Variants in ZNF257 observed in about 807,000 individuals in gnomAD.
The protein encoded by ZNF257 is zinc finger protein 257, also known as bone marrow zinc finger 4.
In ZNF257, 12 loss-of-function variants were observed where a neutral mutation model predicts 11.9. The observed-to-expected ratio is 1.01, with a 90% CI of 0.65 to 1.63. The LOEUF (loss-of-function observed/expected upper bound fraction) is 1.63. ZNF257 is among the 40% of genes most tolerant of loss of function. ZNF257 has a pLI of 0.00. For missense variants in ZNF257, 580 were observed against 665.5 expected (o/e 0.87, Z 1.41); for synonymous variants, 183 against 222.7 (o/e 0.82, Z 1.59).
intron 1 of ZNF257, among the ~76,000 whole-genome samples, chr19:22,063,768 T>C (rs1390620590): frequency 6.6e-6 from 1 of 152,244 alleles, no homozygotes; most frequent in Non-Finnish European, 1.5e-5. Flanking sequence ...TATTGTTTTA[T>C]TTCTAATTGT....
chr19:22,089,179 CAT>C lies in ZNF257; in HGVS notation c.1431_1432del (p.His477GlnfsTer13). 6.2e-7 allele frequency: 1 copy of C among 1,613,756 alleles called. No individual in the cohort carries two copies. The highest frequency in any genetic ancestry group is 8.5e-7 in the Non-Finnish European group (1 of 1,179,862). On this transcript the variant is annotated frameshift_variant, in exon 4 of 4. Coordinates refer to ENST00000594947, the MANE Select transcript of ZNF257 (RefSeq NM_033468.4). LOFTEE classifies it low-confidence loss of function (END_TRUNC). ...AFNQSSHLTQHKIIHTGEKPY... is the reference protein window; with the variant it reads ...AFNQSSHLTQXKIIHTGEKPY... ...TAACCAGTCTTCACACCTTACTCAA[CAT>C]AAAATAATTCATACTGGGGAGAAGC...
In ZNF257 at chr19:22,078,318, T is replaced by A. The variant is rs1386595443; in HGVS notation, c.226+4754T>A. ...TTGTTTTTTGTGATTTTTATGCAAT[T>A]CTCTACAAAATAGTTATTTTGCATT... On this transcript the variant is annotated intron_variant, in intron 3 of 3. Transcript: ENST00000594947. Among the ~76,000 whole-genome samples, 3 of 152,008 alleles carry A rather than the reference T, an allele frequency of 2.0e-5. No individual in the cohort carries two copies. In the South Asian group the frequency reaches 6.2e-4, roughly 32 times the overall value.
At chr19:22,056,003 C>T (rs538470624) in intron 1 of ZNF257, among the ~76,000 whole-genome samples, 2 of 145,346 alleles carry the variant, frequency 1.4e-5, no homozygotes, top group South Asian at 2.1e-4. Flanking sequence ...TGCAGTGAGC[C>T]GAGATCGCAC....
intron 3 of ZNF257, among the ~76,000 whole-genome samples, chr19:22,075,085 G>C (rs1184041956): frequency 1.3e-5 from 2 of 152,110 alleles, no homozygotes; most frequent in South Asian, 2.1e-4. Context: ...GATTCCCTCT[G>C]GGTTTGTGAT....
chr19:22,087,392 T>C (rs1331237810), intron 3 of ZNF257: 1 of 398,298 alleles, frequency 2.5e-6, no homozygotes, highest in Non-Finnish European at 4.4e-6. Flanking sequence ...AAAAGTTTAT[T>C]TGCACTTCTT....
chr19:22,061,648 G>A (rs779953974), intron 1 of ZNF257, among the ~76,000 whole-genome samples: 5 of 149,334 alleles, frequency 3.3e-5, no homozygotes, highest in Non-Finnish European at 7.4e-5. Context: ...CCTGATTGCT[G>A]TGGCTAGGAC....
chr19:22,053,132 A>G (rs1971739514), intron 1 of ZNF257, among the ~76,000 whole-genome samples: 1 of 152,184 alleles, frequency 6.6e-6, no homozygotes, highest in East Asian at 1.9e-4. Flanking sequence ...GCACTTTGGG[A>G]GGCCGAGGCA....
In ZNF257 at chr19:22,088,637, G is replaced by A; in HGVS notation, c.887G>A (p.Trp296Ter). The A allele has an allele frequency of 3.7e-6, 6 of 1,610,564 alleles. No homozygotes were observed. Among genetic ancestry groups the A allele is most frequent in the Non-Finnish European group, 5.1e-6 (6 of 1,179,440 alleles). Residue 296 changes from tryptophan (W) to a stop codon, truncating the protein, a stop_gained, in exon 4 of 4, where the codon TGG becomes TAG. Coordinates refer to ENST00000594947, the MANE Select transcript of ZNF257 (RefSeq NM_033468.4). LOFTEE classifies it low-confidence loss of function (END_TRUNC). ...GATGAATGTTGCAAAGCCTTTAAGT[G>A]GTCCTCAGCTCTTACTACCCTTACT... ...KYDECCKAFKWSSALTTLTQH... is the reference protein window; with the variant it reads ...KYDECCKAFK
intron 1 of ZNF257, among the ~76,000 whole-genome samples, chr19:22,069,350 T>C (rs1467783589): frequency 6.6e-6 from 1 of 152,016 alleles, no homozygotes; most frequent in African/African-American, 2.4e-5. Context: ...CGTGGTGGCT[T>C]ACGCCTGTAA....
In ZNF257 at chr19:22,088,697, A is replaced by G. The variant is rs752505813; in HGVS notation, c.947A>G (p.Tyr316Cys). The G allele has an allele frequency of 5.0e-6, 8 of 1,613,086 alleles. No individual in the cohort carries two copies. The highest frequency in any genetic ancestry group is 4.4e-5 in the South Asian group (4 of 91,038). ...AGAATTCATACTGGAGAGAAACCCT[A>G]CAAATGTGAAGAGTGTGGCAAAGCC... ...HKRIHTGEKP[Y>C]KCEECGKAFN... Residue 316 changes from tyrosine to cysteine, a missense_variant, in exon 4 of 4, where the codon TAC becomes TGC. Transcript: ENST00000594947.
At chr19:22,087,570 G>T in intron 3 of ZNF257, 1 of 1,230,274 alleles carries the variant, frequency 8.1e-7, no homozygotes, top group Non-Finnish European at 1.0e-6. Flanking sequence ...TGTCTTGAAA[G>T]ACCCCTAAAA....
chr19:22,063,117 C>T (rs1335726698), intron 1 of ZNF257, among the ~76,000 whole-genome samples: 1 of 152,048 alleles, frequency 6.6e-6, no homozygotes, highest in Non-Finnish European at 1.5e-5. Flanking sequence ...TTGTCCAGGA[C>T]TTTATTTATT....
intron 3 of ZNF257, among the ~76,000 whole-genome samples, chr19:22,077,448 T>C (rs897238197): frequency 6.6e-6 from 1 of 152,102 alleles, no homozygotes; most frequent in African/African-American, 2.4e-5. Context: ...TTTTACCCTC[T>C]CTCCAGCCCT....
intron 3 of ZNF257, among the ~76,000 whole-genome samples, chr19:22,081,770 T>G (rs2022365349): frequency 6.6e-6 from 1 of 152,128 alleles, no homozygotes; most frequent in Non-Finnish European, 1.5e-5. Context: ...GATCAAGTGA[T>G]CAGCCCACCT....
chr19:22,078,267 GCCATT>G (rs2022278758), intron 3 of ZNF257, among the ~76,000 whole-genome samples: 1 of 149,388 alleles, frequency 6.7e-6, no homozygotes, highest in South Asian at 2.1e-4. Flanking sequence ...AATTATAGTG[GCCATT>G]CCAATGAGTG....
chr19:22,068,975 C>CAA (rs35169645), intron 1 of ZNF257, among the ~76,000 whole-genome samples: 35,890 of 151,960 alleles, frequency 0.24, 5,780 homozygotes, highest in African/African-American at 0.46. Context: ...GTCAGGCTGA[C>CAA]GAGTGGTTAA....
At chr19:22,073,594 G>T (rs3752163) in intron 3 of ZNF257, 30 bp downstream of exon 3, 2 of 1,595,458 alleles carry the variant, frequency 1.3e-6, no homozygotes, top group South Asian at 1.1e-5. Context: ...AGTACAACAG[G>T]TGAAACAGAT....
chr19:22,089,288 A>G lies in ZNF257; in HGVS notation c.1538A>G (p.Lys513Arg). The change falls in exon 4 of 4, where the codon AAA becomes AGA. Residue 513 changes from lysine (K) to arginine (R), a missense_variant. Transcript: ENST00000594947. ...CATAAGATAATTCATACTGGAGAGAAACCCTACAAATGTGAAGAATGTGGC... is the reference window on the plus strand; with the variant it reads ...CATAAGATAATTCATACTGGAGAGAGACCCTACAAATGTGAAGAATGTGGC... Reference protein sequence around the residue: ...SQHKIIHTGEKPYKCEECGKP... With the variant: ...SQHKIIHTGERPYKCEECGKP... The G allele has an allele frequency of 1.9e-6, 3 of 1,613,900 alleles. No individual in the cohort carries two copies. Among genetic ancestry groups the G allele is most frequent in the Non-Finnish European group, 2.5e-6 (3 of 1,179,912 alleles).
chr19:22,089,102 T>C lies in ZNF257; in HGVS notation c.1352T>C (p.Ile451Thr). ...TCTTCATACCTTATTCGACATAAGA[T>C]AATTCATACTGGAGAGAAACCCTAC... ...NRSSYLIRHK[I>T]IHTGEKPYKC... Residue 451 changes from isoleucine to threonine, a missense_variant, in exon 4 of 4, where the codon ATA (isoleucine) becomes ACA (threonine). Transcript: ENST00000594947. 6.2e-7 allele frequency: 1 copy of C among 1,612,800 alleles called. No individual in the cohort carries two copies. Among genetic ancestry groups the C allele is most frequent in the Non-Finnish European group, 8.5e-7 (1 of 1,179,590 alleles).
Sources: gnomAD v4.1 joint callset for allele counts (sites outside exome capture counted in the v4.1 genomes callset) on GRCh38, gnomAD v4.1.1 for gene constraint, MANE v1.5 for transcripts, NCBI Gene and HGNC (gene_info 2026-07-23, HGNC 2026-07-21) for gene names.